The following TMPRSS15 variants were observed in gnomAD, a reference collection of about 807,000 sequenced individuals.
TMPRSS15 encodes enteropeptidase.
A neutral mutation model predicts 125.3 loss-of-function variants in TMPRSS15; 128 were observed. That is an observed-to-expected ratio of 1.02 (90% CI 0.89 to 1.18). The LOEUF (loss-of-function observed/expected upper bound fraction) is 1.18. Ranked by LOEUF, TMPRSS15 falls within the 50% of genes most tolerant of loss-of-function variation. The pLI is 0.00. For missense variants in TMPRSS15, 1,283 were observed against 1,212.7 expected (o/e 1.06, Z -0.86); for synonymous variants, 446 against 423.2 (o/e 1.05, Z -0.66).
chr21:18,319,254 T>C (rs2075207796), intron 16 of TMPRSS15, among the ~76,000 whole-genome samples: 1 of 152,122 alleles, frequency 6.6e-6, no homozygotes, highest in Non-Finnish European at 1.5e-5. Context: ...AGGCTCAGTT[T>C]CTTTGTCAAT....
chr21:18,423,858 A>G (rs1476833278), intron 1 of TMPRSS15, among the ~76,000 whole-genome samples: 1 of 152,224 alleles, frequency 6.6e-6, no homozygotes, highest in Admixed American at 6.5e-5. Context: ...TTATAGCTCA[A>G]AGTGATTAGC....
At chr21:18,298,817 C>G (rs1039852854) in intron 18 of TMPRSS15, among the ~76,000 whole-genome samples, 1 of 152,136 alleles carries the variant, frequency 6.6e-6, no homozygotes, top group African/African-American at 2.4e-5. Flanking sequence ...CTTCCCCAGG[C>G]TATTGCCAAC....
intron 23 of TMPRSS15, among the ~76,000 whole-genome samples, chr21:18,276,028 A>C (rs1046077722): frequency 2.0e-5 from 3 of 152,208 alleles, no homozygotes; most frequent in African/African-American, 7.2e-5. Flanking sequence ...GGTACATGAT[A>C]AGCACTTTCT....
intron 1 of TMPRSS15, among the ~76,000 whole-genome samples, chr21:18,401,201 C>T (rs757516546): frequency 2.0e-5 from 3 of 152,118 alleles, no homozygotes; most frequent in Non-Finnish European, 4.4e-5. Flanking sequence ...AACAGAAATA[C>T]CATTTGACCC....
chr21:18,283,671 T>A (rs1033639727), intron 21 of TMPRSS15, among the ~76,000 whole-genome samples: 2 of 152,096 alleles, frequency 1.3e-5, no homozygotes, highest in Admixed American at 1.3e-4. Flanking sequence ...ATTATAGGAT[T>A]GTCTCCTCAG....
At chr21:18,326,808 A>C (rs776433669) in intron 15 of TMPRSS15, among the ~76,000 whole-genome samples, 12 of 152,234 alleles carry the variant, frequency 7.9e-5, no homozygotes, top group Non-Finnish European at 1.6e-4. Context: ...TCTATAATGT[A>C]ATGATGAATT....
intron 4 of TMPRSS15, among the ~76,000 whole-genome samples, chr21:18,382,365 C>T (rs6517811): frequency 2.7e-4 from 41 of 152,262 alleles, no homozygotes; most frequent in African/African-American, 9.6e-4. Flanking sequence ...CTGTGACATG[C>T]GTCCAAACCA....
intron 18 of TMPRSS15, among the ~76,000 whole-genome samples, chr21:18,303,112 A>C (rs2074990855): frequency 6.6e-6 from 1 of 152,158 alleles, no homozygotes; most frequent in Admixed American, 6.5e-5. Context: ...ATGGTTTTTT[A>C]ATGTTTTCCT....
chr21:18,358,089 C>A (rs984005072), intron 8 of TMPRSS15, among the ~76,000 whole-genome samples: 1 of 151,764 alleles, frequency 6.6e-6, no homozygotes, highest in East Asian at 1.9e-4. Flanking sequence ...CAATTAATTG[C>A]ATATTAGTCA....
At chr21:18,279,361 G>A (rs1407942007) in intron 22 of TMPRSS15, among the ~76,000 whole-genome samples, 2 of 119,064 alleles carry the variant, frequency 1.7e-5, no homozygotes, top group Non-Finnish European at 3.3e-5. Flanking sequence ...AGTCTCACTC[G>A]GTCGCCCAGG....
chr21:18,314,349 G>A (rs1240228811), intron 17 of TMPRSS15, among the ~76,000 whole-genome samples: 2 of 152,106 alleles, frequency 1.3e-5, no homozygotes, highest in Non-Finnish European at 2.9e-5. Context: ...CATGATCTGG[G>A]CTCACTGCAA....
chr21:18,396,852 T>TCTATCTATCTATCTA (rs1569055771), intron 3 of TMPRSS15, among the ~76,000 whole-genome samples: 2 of 113,224 alleles, frequency 1.8e-5, no homozygotes, highest in African/African-American at 6.9e-5. Flanking sequence ...CTATCTATCT[T>TCTATCTATCTATCTA]AAGTCACAAA....
rs111840198 is a variant in TMPRSS15 at position 18,332,803 on chromosome 21, T to C, written c.1565-630A>G. On this transcript the variant is annotated intron_variant, in intron 13 of 24. Transcript: ENST00000284885. ...AAAGACACATGCACACGTTTTTTCA[T>C]TGCAGCGCTATTCAAAATAGGAAAG... Among the ~76,000 whole-genome samples, 598 of 152,300 alleles carry C rather than the reference T, an allele frequency of 3.9e-3. 6 individuals carry two copies. Among genetic ancestry groups the C allele is most frequent in the African/African-American group, 0.014 (574 of 41,562 alleles).
In TMPRSS15 at chr21:18,315,152, C is replaced by A; in HGVS notation, c.2026G>T (p.Asp676Tyr). The change falls in exon 17 of 25, where the codon GAT (aspartate) becomes TAT (tyrosine). Residue 676 changes from aspartate to tyrosine, a missense_variant. Asp to Tyr is a radical substitution (Grantham distance 160). Transcript: ENST00000284885. ...TCCTAAAAATAAGACATACCACAATCTGCTTCATCTGAGCCATCCTCACAG... is the reference window on the plus strand; with the variant it reads ...TCCTAAAAATAAGACATACCACAATATGCTTCATCTGAGCCATCCTCACAG... ...LHCEDGSDEA[D>Y]CVRFFNGTTN... The A allele has an allele frequency of 6.2e-7, 1 of 1,612,358 alleles. No individual in the cohort carries two copies. Among genetic ancestry groups the A allele is most frequent in the Non-Finnish European group, 8.5e-7 (1 of 1,178,944 alleles).
intron 24 of TMPRSS15, among the ~76,000 whole-genome samples, chr21:18,270,618 C>A (rs1241117192): frequency 6.6e-6 from 1 of 152,130 alleles, no homozygotes; most frequent in Admixed American, 6.5e-5. Context: ...TGGGGCTCAA[C>A]AAACACCATC....
At chr21:18,422,897 A>G (rs2076195125) in intron 1 of TMPRSS15, among the ~76,000 whole-genome samples, 1 of 152,182 alleles carries the variant, frequency 6.6e-6, no homozygotes, top group African/African-American at 2.4e-5. Context: ...GAAATTAGGA[A>G]GTTGGTGCCA....
At chr21:18,354,678 A>G (rs1009582030) in intron 8 of TMPRSS15, among the ~76,000 whole-genome samples, 7 of 151,818 alleles carry the variant, frequency 4.6e-5, no homozygotes, top group Non-Finnish European at 8.8e-5. Context: ...AATATAGTGC[A>G]TATGAAATAT....
chr21:18,357,355 A>G (rs1458545506), intron 8 of TMPRSS15, among the ~76,000 whole-genome samples: 2 of 151,836 alleles, frequency 1.3e-5, no homozygotes, highest in Non-Finnish European at 2.9e-5. Flanking sequence ...GATGCTTTTT[A>G]GCAGTTAGAG....
At chr21:18,466,333 A>T (rs908018823) in intron 1 of TMPRSS15, among the ~76,000 whole-genome samples, 1 of 152,162 alleles carries the variant, frequency 6.6e-6, no homozygotes, top group Non-Finnish European at 1.5e-5. Flanking sequence ...AGGCATTACC[A>T]TTCAGGACAT....
Sources: allele counts gnomAD v4.1 joint callset (sites outside exome capture counted in the v4.1 genomes callset), GRCh38; gene constraint gnomAD v4.1.1; transcripts MANE v1.5; gene names NCBI Gene and HGNC (gene_info 2026-07-23, HGNC 2026-07-21).